The following ARHGEF26 variants were observed in gnomAD, a reference collection of about 807,000 sequenced individuals.
ARHGEF26 encodes the protein Rho guanine nucleotide exchange factor 26.
ARHGEF26 carries 59 observed loss-of-function variants against 89.4 expected under a neutral mutation model. The observed-to-expected ratio is 0.66, with a 90% CI of 0.54 to 0.82. The LOEUF (loss-of-function observed/expected upper bound fraction) is 0.82. ARHGEF26 is among the 40% of genes least tolerant of loss of function. ARHGEF26 has a pLI of 0.00. For missense variants in ARHGEF26, 1,234 were observed against 1,085.6 expected (o/e 1.14, Z -1.92); for synonymous variants, 500 against 428.4 (o/e 1.17, Z -2.06).
At chr3:154,254,009 G>A (rs956542580) in intron 13 of ARHGEF26, among the ~76,000 whole-genome samples, 6 of 152,160 alleles carry the variant, frequency 3.9e-5, no homozygotes, top group Non-Finnish European at 5.9e-5. Flanking sequence ...TCCGTCTCCT[G>A]GGTTCATACC....
chr3:154,256,226 T>C lies in ARHGEF26; in HGVS notation c.*753T>C. ...CATATATGTGAGAAAAACCTGAATA[T>C]AGGACAGGGGTCCTACTTTTTTCCC... is the stretch of plus-strand genomic sequence containing the variant. On this transcript the variant is annotated 3_prime_UTR_variant, in exon 15 of 15. Transcript: ENST00000465093. The C allele has an allele frequency of 2.0e-6, 2 of 985,598 alleles. No individual in the cohort carries two copies. The highest frequency in any genetic ancestry group is 9.4e-5 in the South Asian group (2 of 21,292). The allele number at this position is 985,598 out of a possible 1,614,324, so 61.1% of individuals were successfully genotyped here.
chr3:154,124,639 A>T (rs961679311), intron 3 of ARHGEF26, among the ~76,000 whole-genome samples, 190 bp downstream of exon 3: 13 of 152,150 alleles, frequency 8.5e-5, no homozygotes, highest in Non-Finnish European at 1.5e-4. Flanking sequence ...AATATAGTTA[A>T]TGGCATTTTT....
chr3:154,132,018 T>G (rs1347399856), intron 4 of ARHGEF26, among the ~76,000 whole-genome samples: 1 of 152,226 alleles, frequency 6.6e-6, no homozygotes, highest in Non-Finnish European at 1.5e-5. Context: ...GTGTATGTTA[T>G]CTTGGAGTTG....
chr3:154,226,695 A>ACACC (rs1553750133), intron 11 of ARHGEF26, among the ~76,000 whole-genome samples: 7 of 126,088 alleles, frequency 5.6e-5, no homozygotes, highest in South Asian at 2.8e-4. Flanking sequence ...ACACACACAC[A>ACACC]CCCCTTCAGC....
chr3:154,121,955 G>T lies in ARHGEF26; in HGVS notation c.-38G>T. The T allele has an allele frequency of 6.5e-7, 1 of 1,549,924 alleles. No homozygotes were observed. Among genetic ancestry groups the T allele is most frequent in the Non-Finnish European group, 8.7e-7 (1 of 1,144,098 alleles). On this transcript the variant is annotated 5_prime_UTR_variant, in exon 2 of 15. Coordinates refer to ENST00000465093, the MANE Select transcript of ARHGEF26 (RefSeq NM_015595.4). ...TTTCCTCTTTAGGCAAGACTAACTC[G>T]GTGTTGCTCCTCCCGGCGCTGACTT...
At chr3:154,148,086 TG>T (rs1482844086) in intron 4 of ARHGEF26, among the ~76,000 whole-genome samples, 1 of 152,178 alleles carries the variant, frequency 6.6e-6, no homozygotes, top group Non-Finnish European at 1.5e-5. Context: ...ATGACTCCTC[TG>T]GGCCTTGGAG....
intron 9 of ARHGEF26, among the ~76,000 whole-genome samples, chr3:154,202,965 G>C (rs190893188): frequency 0.011 from 1,739 of 152,108 alleles, 25 homozygotes; most frequent in African/African-American, 0.039. Flanking sequence ...TTGACTTCCT[G>C]TTTTCCTAAT....
At chr3:154,133,971 G>C (rs1379320642) in intron 4 of ARHGEF26, among the ~76,000 whole-genome samples, 3 of 152,082 alleles carry the variant, frequency 2.0e-5, no homozygotes, top group Non-Finnish European at 2.9e-5. Flanking sequence ...ATGGCAGTTT[G>C]TTCCTGATCT....
chr3:154,124,593 A>C, intron 3 of ARHGEF26, 144 bp downstream of exon 3: 4 of 719,438 alleles, frequency 5.6e-6, no homozygotes, highest in Non-Finnish European at 8.6e-6. Context: ...AAAGCTTCTC[A>C]CTAAGCTAAA....
chr3:154,240,541 G>T lies in ARHGEF26; in HGVS notation c.2262G>T (p.Ala754=), dbSNP rs558303659. Residue 754 remains alanine (A), a synonymous_variant, in exon 12 of 15, where the codon GCG becomes GCT. Coordinates refer to ENST00000465093, the MANE Select transcript of ARHGEF26 (RefSeq NM_015595.4). ...CTCTGACAGTCCTTAGTAACCACGC[G>T]AATGAGAAAGTGGAGATGCTACTAG... The part of the protein sequence containing the change: ...LFTLTVLSNH[A]NEKVEMLLGA... 1 of 1,612,544 alleles carries T rather than the reference G, an allele frequency of 6.2e-7. No individual in the cohort carries two copies.
At chr3:154,136,676 T>G (rs562001594) in intron 4 of ARHGEF26, among the ~76,000 whole-genome samples, 7 of 152,332 alleles carry the variant, frequency 4.6e-5, no homozygotes, top group Non-Finnish European at 7.3e-5. Flanking sequence ...TCATTCTGTT[T>G]GCAGAAATGC....
At chr3:154,196,529 T>C (rs910033111) in intron 9 of ARHGEF26, among the ~76,000 whole-genome samples, 1 of 152,216 alleles carries the variant, frequency 6.6e-6, no homozygotes, top group Non-Finnish European at 1.5e-5. Flanking sequence ...ACTTACCCTC[T>C]TCCTTGCCAA....
At chr3:154,136,590 T>C (rs1230519989) in intron 4 of ARHGEF26, among the ~76,000 whole-genome samples, 2 of 152,232 alleles carry the variant, frequency 1.3e-5, no homozygotes, top group Non-Finnish European at 2.9e-5. Context: ...TTTTAGAATT[T>C]ACTCTGTGCT....
chr3:154,206,300 G>C (rs1715016098), intron 9 of ARHGEF26, among the ~76,000 whole-genome samples: 1 of 152,002 alleles, frequency 6.6e-6, no homozygotes, highest in Non-Finnish European at 1.5e-5. Context: ...CTTTTCTCTT[G>C]CTGCTTTTGT....
In ARHGEF26 at chr3:154,122,984, C is replaced by T. The variant is rs758588282; in HGVS notation, c.992C>T (p.Thr331Ile). Residue 331 changes from threonine (T) to isoleucine (I), a missense_variant, in exon 2 of 15, where the codon ACC becomes ATC. Thr to Ile is a moderately conservative substitution (Grantham distance 89). Coordinates refer to ENST00000465093, the MANE Select transcript of ARHGEF26 (RefSeq NM_015595.4). ...AGTGGCTTTGATTTTGACAGTCCTA[C>T]CAGCTCGAAGAAGAAGAACAGAATG... ...VVSGFDFDSP[T>I]SSKKKNRMSQ... 7.4e-6 allele frequency: 12 copies of T among 1,613,680 alleles called. No homozygotes were observed. The African/African-American group carries it at 1.3e-4, about 18-fold the overall frequency.
At chr3:154,246,098 A>G (rs1717785685) in intron 12 of ARHGEF26, among the ~76,000 whole-genome samples, 1 of 152,150 alleles carries the variant, frequency 6.6e-6, no homozygotes. Context: ...TGGTGATGTG[A>G]TCCGGAGTGA....
At chr3:154,194,544 G>A in intron 8 of ARHGEF26, 100 bp from the exon 9 acceptor site, 1 of 790,194 alleles carries the variant, frequency 1.3e-6, no homozygotes, top group Admixed American at 2.3e-5. Context: ...TATCGTGTTT[G>A]GCATTGTTTG....
intron 4 of ARHGEF26, among the ~76,000 whole-genome samples, chr3:154,134,254 G>A (rs1718867247): frequency 6.6e-6 from 1 of 151,944 alleles, no homozygotes. Context: ...GTATTAGTCC[G>A]TTTTCATGCT....
At chr3:154,239,299 AGTGTGTGTGT>A (rs142191516) in intron 11 of ARHGEF26, among the ~76,000 whole-genome samples, 2,647 of 63,468 alleles carry the variant, frequency 0.042, 59 homozygotes, top group East Asian at 0.11. Context: ...AGAGAGAGAG[AGTGTGTGTGT>A]GTGTGTGTGT....
Sources: gnomAD v4.1 joint callset for allele counts (sites outside exome capture counted in the v4.1 genomes callset) on GRCh38, gnomAD v4.1.1 for gene constraint, MANE v1.5 for transcripts, NCBI Gene and HGNC (gene_info 2026-07-23, HGNC 2026-07-21) for gene names.